The following AHNAK2 variants were observed in gnomAD, a reference collection of about 807,000 sequenced individuals.
AHNAK2 encodes AHNAK nucleoprotein 2.
A neutral mutation model predicts 30.7 loss-of-function variants in AHNAK2; 18 were observed. The ratio of observed to expected loss-of-function variants is 0.59; its 90% CI spans 0.41 to 0.87. The LOEUF is 0.87. Among genes scored for constraint, AHNAK2 ranks in the 40% least tolerant of loss-of-function variants. The pLI, the probability that AHNAK2 is intolerant of heterozygous loss-of-function variation, is 0.00. For synonymous variants in AHNAK2, 3,590 were observed against 3,073.8 expected (o/e 1.17, Z -5.56); for missense variants, 8,604 against 7,373.0 (o/e 1.17, Z -6.11).
At position 104,950,775 on chromosome 14, in the gene AHNAK2, A is replaced by C. The variant is rs1297675433; in HGVS notation, c.4676T>G (p.Val1559Gly). ...DLEVQAGQVD[V>G]KLPEGPVSEG... is the part of the protein sequence containing the mutation. ...GGACACAGGGCCCTCTGGGAGTTTC[A>C]CGTCCACTTGGCCAGCCTGGACCTC... is the stretch of plus-strand genomic sequence containing the variant. The change falls in exon 7 of 7, where the codon GTG becomes GGG. Residue 1559 changes from valine to glycine, a missense_variant. By Grantham distance (109) the Val-to-Gly change is moderately radical. Coordinates refer to ENST00000333244, the MANE Select transcript of AHNAK2 (RefSeq NM_138420.4). 3 of 1,586,518 alleles carry C rather than the reference A, an allele frequency of 1.9e-6. No individual in the cohort carries two copies. Among genetic ancestry groups the C allele is most frequent in the African/African-American group, 2.7e-5 (2 of 73,506 alleles).
At position 104,948,596 on chromosome 14, in the gene AHNAK2, C is replaced by T. The variant is rs1034358051; in HGVS notation, c.6855G>A (p.Glu2285=). 3.7e-6 allele frequency: 6 copies of T among 1,612,748 alleles called. No homozygotes were observed. Among genetic ancestry groups the T allele is most frequent in the African/African-American group, 1.3e-5 (1 of 74,086 alleles). Residue 2285 remains glutamate, a synonymous_variant, in exon 7 of 7, where the codon GAG becomes GAA. Coordinates refer to ENST00000333244, the MANE Select transcript of AHNAK2 (RefSeq NM_138420.4). ...TGGCTCCTGGGGCCTTGACGTCCACCTCCACGCTGGGCAGAGACACCTCCA... is the reference window on the plus strand; with the variant it reads ...TGGCTCCTGGGGCCTTGACGTCCACTTCCACGCTGGGCAGAGACACCTCCA... ...PDVEVSLPSV[E]VDVKAPGAKL...
At position 104,938,309 on chromosome 14, in the gene AHNAK2, G is replaced by A; in HGVS notation, c.17142C>T (p.Ser5714=). The change falls in exon 7 of 7, where the codon AGC becomes AGT. Residue 5714 remains serine, a synonymous_variant. Transcript: ENST00000333244. ...CTTCCAGCTCTGCCCCATCTTCGGT[G>A]CTTTTGCTTTTCTTGGTAGGAGATG... ...FSSSPTKKSK[S]TEDGAELEEQ... 1 of 1,613,940 alleles carries A rather than the reference G, an allele frequency of 6.2e-7. No individual in the cohort carries two copies. The highest frequency in any genetic ancestry group is 8.5e-7 in the Non-Finnish European group (1 of 1,179,892).
chr14:104,973,028 CGGG>C (rs1899511033), intron 1 of AHNAK2, among the ~76,000 whole-genome samples: 2 of 152,212 alleles, frequency 1.3e-5, no homozygotes, highest in African/African-American at 4.8e-5. Context: ...CACCAGCAGG[CGGG>C]TGCTGGGCAG....
Position 104,939,584 on chromosome 14 carries a change from C to G in AHNAK2, c.15867G>C (p.Gly5289=). 6.2e-7 allele frequency: 1 copy of G among 1,613,806 alleles called. No homozygotes were observed. Among genetic ancestry groups the G allele is most frequent in the Non-Finnish European group, 8.5e-7 (1 of 1,179,850 alleles). ...KLHLSTAGMT[G]DELSTSEVRI... ...TGACCTCAGAAGTGGAAAGCTCATC[C>G]CCAGTCATCCCAGCAGTGGAGAGGT... The change falls in exon 7 of 7, where the codon GGG becomes GGC. Residue 5289 remains glycine (G), a synonymous_variant. Transcript: ENST00000333244.
At position 104,940,136 on chromosome 14, in the gene AHNAK2, T is replaced by G. The variant is rs780172058; in HGVS notation, c.15315A>C (p.Arg5105Ser). The G allele has an allele frequency of 1.9e-6, 3 of 1,613,382 alleles. No individual in the cohort carries two copies. The highest frequency in any genetic ancestry group is 2.5e-6 in the Non-Finnish European group (3 of 1,179,894). Reference protein sequence around the residue: ...PSLGFAKPDLRSSKAKVEVSQ... With the variant: ...PSLGFAKPDLSSSKAKVEVSQ... ...TCACCTCCACCTTGGCCTTGGAGGA[T>G]CTGAGATCAGGTTTGGCAAAGCCCA... is the stretch of plus-strand genomic sequence containing the variant. The change falls in exon 7 of 7, where the codon AGA becomes AGC. Residue 5105 changes from arginine to serine, a missense_variant. By Grantham distance (110) the Arg-to-Ser change is moderately radical. Coordinates refer to ENST00000333244, the MANE Select transcript of AHNAK2 (RefSeq NM_138420.4). This position sits in a 1 kb window ranked among gnomAD's most constrained non-coding sequence, Gnocchi z 4.4.
intron 1 of AHNAK2, chr14:104,970,622 C>T: frequency 1.4e-6 from 1 of 689,748 alleles, no homozygotes; most frequent in Non-Finnish European, 1.8e-6. Context: ...CCACATCCCA[C>T]CAGAGGGAGT....
rs1897919464 is a variant in AHNAK2 at position 104,939,679 on chromosome 14, T to C, written c.15772A>G (p.Thr5258Ala). The C allele has an allele frequency of 1.2e-5, 20 of 1,613,908 alleles. No individual in the cohort carries two copies. Among genetic ancestry groups the C allele is most frequent in the Non-Finnish European group, 1.5e-5 (18 of 1,179,892 alleles). The change falls in exon 7 of 7, where the codon ACA becomes GCA. Residue 5258 changes from threonine (T) to alanine (A), a missense_variant. Physicochemically the swap from Thr to Ala is moderately conservative, Grantham distance 58 (BLOSUM62 0). Coordinates refer to ENST00000333244, the MANE Select transcript of AHNAK2 (RefSeq NM_138420.4). ...LQLPEADAEV[T>A]ASESKSSTDI... ...GTGGATGATTTGCTCTCAGAAGCTG[T>C]CACTTCTGCATCTGCCTCTGGGAGC...
chr14:104,940,155 A>G lies in AHNAK2; in HGVS notation c.15296T>C (p.Phe5099Ser). 1 of 1,613,500 alleles carries G rather than the reference A, an allele frequency of 6.2e-7. No homozygotes were observed. Among genetic ancestry groups the G allele is most frequent in the Non-Finnish European group, 8.5e-7 (1 of 1,179,882 alleles). ...GGAGGATCTGAGATCAGGTTTGGCAAAGCCCAAACTGGGAATGTGGACCTG... is the reference window on the plus strand; with the variant it reads ...GGAGGATCTGAGATCAGGTTTGGCAGAGCCCAAACTGGGAATGTGGACCTG... The part of the protein sequence containing the change: ...RPQVHIPSLG[F>S]AKPDLRSSKA... The change falls in exon 7 of 7, where the codon TTT becomes TCT. Residue 5099 changes from phenylalanine to serine, a missense_variant. Phe to Ser is a radical substitution (Grantham distance 155). Coordinates refer to ENST00000333244, the MANE Select transcript of AHNAK2 (RefSeq NM_138420.4). This position sits in a 1 kb window ranked among gnomAD's most constrained non-coding sequence, Gnocchi z 4.4.
chr14:104,947,995 G>C lies in AHNAK2; in HGVS notation c.7456C>G (p.Pro2486Ala). ...CCGAATGACGGCATCTTGAACTTGGGAATTTTGAACCTGCTGTCTTTGGTA... is the reference window on the plus strand; with the variant it reads ...CCGAATGACGGCATCTTGAACTTGGCAATTTTGAACCTGCTGTCTTTGGTA... ...VTTKDSRFKI[P>A]KFKMPSFGVS... Residue 2486 changes from proline (P) to alanine (A), a missense_variant, in exon 7 of 7, where the codon CCC (proline) becomes GCC (alanine). Coordinates refer to ENST00000333244, the MANE Select transcript of AHNAK2 (RefSeq NM_138420.4). The C allele has an allele frequency of 6.2e-7, 1 of 1,612,522 alleles. No individual in the cohort carries two copies. The highest frequency in any genetic ancestry group is 8.5e-7 in the Non-Finnish European group (1 of 1,179,558).
Position 104,957,515 on chromosome 14 carries a change from G to A in AHNAK2, c.115-7C>T. On this transcript the variant is annotated splice_region_variant and splice_polypyrimidine_tract_variant and intron_variant, in intron 2 of 6. Transcript: ENST00000333244. ...CCGCAGGCCCTTCAGTCACCTGACG[G>A]GAGAGAATCCAGTTATTTTTGCCAC... 1 of 1,595,646 alleles carries A rather than the reference G, an allele frequency of 6.3e-7. No individual in the cohort carries two copies. Among genetic ancestry groups the A allele is most frequent in the Non-Finnish European group, 8.5e-7 (1 of 1,170,426 alleles).
chr14:104,947,094 G>T lies in AHNAK2; in HGVS notation c.8357C>A (p.Pro2786Gln). Residue 2786 changes from proline to glutamine, a missense_variant, in exon 7 of 7, where the codon CCG (proline) becomes CAG (glutamine). Pro to Gln is a moderately conservative substitution (Grantham distance 76). Coordinates refer to ENST00000333244, the MANE Select transcript of AHNAK2 (RefSeq NM_138420.4). The part of the protein sequence containing the change: ...LSSMEVDVQA[P>Q]RAKLDGARLE... ...CCGCGCACCATCCAGCTTTGCTCTC[G>T]GGGCCTGGACGTCCACCTCCATGCT... The T allele has an allele frequency of 3.1e-6, 5 of 1,612,564 alleles. No homozygotes were observed. Among genetic ancestry groups the T allele is most frequent in the Non-Finnish European group, 4.2e-6 (5 of 1,179,590 alleles).
rs1222169160 is a variant in AHNAK2 at position 104,941,595 on chromosome 14, T to G, written c.13856A>C (p.Glu4619Ala). The G allele has an allele frequency of 6.2e-7, 1 of 1,613,368 alleles. No individual in the cohort carries two copies. The highest frequency in any genetic ancestry group is 1.3e-5 in the African/African-American group (1 of 75,062). The change falls in exon 7 of 7, where the codon GAG (glutamate) becomes GCG (alanine). Residue 4619 changes from glutamate to alanine, a missense_variant. Physicochemically the swap from Glu to Ala is moderately radical, Grantham distance 107 (BLOSUM62 -1). Coordinates refer to ENST00000333244, the MANE Select transcript of AHNAK2 (RefSeq NM_138420.4). The part of the protein sequence containing the change: ...RLEGDLSLAH[E>A]DVAGKDSKFQ... ...CTTACTGTCTTTCCCAGCTACATCC[T>G]CGTGGGCCAGGGACAGGTCCCCCTC...
chr14:104,942,166 T>C lies in AHNAK2; in HGVS notation c.13285A>G (p.Met4429Val), dbSNP rs541517645. ...CCTGGGGCTTGGATGTCCACCTCCA[T>C]GCTGGGCAGAGACACGTCCAGGTTG... ...SPNLDVSLPS[M>V]EVDIQAPGAK... The change falls in exon 7 of 7, where the codon ATG (methionine) becomes GTG (valine). Residue 4429 changes from methionine (M) to valine (V), a missense_variant. Coordinates refer to ENST00000333244, the MANE Select transcript of AHNAK2 (RefSeq NM_138420.4). 1 of 1,612,198 alleles carries C rather than the reference T, an allele frequency of 6.2e-7. No homozygotes were observed. Among genetic ancestry groups the C allele is most frequent in the Admixed American group, 1.7e-5 (1 of 59,874 alleles).
chr14:104,970,190 T>C (rs372140158), intron 1 of AHNAK2, among the ~76,000 whole-genome samples: 22 of 152,268 alleles, frequency 1.4e-4, no homozygotes, highest in African/African-American at 5.1e-4. Flanking sequence ...ACACCTTGTA[T>C]GGCCTGGGCT....
rs200879546 is a variant in AHNAK2, at chr14:104,951,833, G to C, written c.3618C>G (p.Leu1206=). The C allele has an allele frequency of 8.3e-3, 12,240 of 1,472,848 alleles. 118 individuals are homozygous for C. Among genetic ancestry groups the C allele is most frequent in the African/African-American group, 0.062 (3,404 of 55,184 alleles). 91.2% of individuals were successfully genotyped at this position (1,472,848 alleles called of 1,614,324 possible). Residue 1206 remains leucine (L), a synonymous_variant, in exon 7 of 7, where the codon CTC becomes CTG. Coordinates refer to ENST00000333244, the MANE Select transcript of AHNAK2 (RefSeq NM_138420.4). ...GCTGAATGCTGAGGTCAGTGGTCTT[G>C]AGGTCCCCCTGCATGGAGGGGAGAC... ...DVSLPSMQGD[L]KTTDLSIQPP...
At chr14:104,968,821 T>A (rs1280789825) in intron 1 of AHNAK2, among the ~76,000 whole-genome samples, 1 of 152,200 alleles carries the variant, frequency 6.6e-6, no homozygotes, top group African/African-American at 2.4e-5. Flanking sequence ...GCTCAGGTGC[T>A]AGGGCGTGTG....
Position 104,945,581 on chromosome 14 carries a change from C to T in AHNAK2, c.9870G>A (p.Leu3290=). 6.2e-7 allele frequency: 1 copy of T among 1,608,952 alleles called. No individual in the cohort carries two copies. The highest frequency in any genetic ancestry group is 1.1e-5 in the South Asian group (1 of 90,704). The part of the protein sequence containing the change: ...APGAKLDGAR[L]EGDLSLADKD... ...TGTCGGCCAGGGACAGGTCCCCCTC[C>T]AGCCGTGCACCATCCAACTTGGCTC... Residue 3290 remains leucine, a synonymous_variant, in exon 7 of 7, where the codon CTG becomes CTA. Coordinates refer to ENST00000333244, the MANE Select transcript of AHNAK2 (RefSeq NM_138420.4).
chr14:104,955,169 C>T, intron 5 of AHNAK2, 28 bp from the exon 6 acceptor site: 1 of 1,583,272 alleles, frequency 6.3e-7, no homozygotes, highest in Non-Finnish European at 8.6e-7. Context: ...AGCCCCAGGG[C>T]CGGGTGTGTG....
chr14:104,971,263 GCCACCACA>G (rs1899464608), intron 1 of AHNAK2, among the ~76,000 whole-genome samples: 1 of 151,780 alleles, frequency 6.6e-6, no homozygotes, highest in Non-Finnish European at 1.5e-5. Context: ...TCCAGGTGAC[GCCACCACA>G]CCTGGCTAAT....
Sources: gnomAD v4.1 joint callset for allele counts (sites outside exome capture counted in the v4.1 genomes callset) on GRCh38, gnomAD v4.1.1 for gene constraint, Gnocchi (gnomAD v3.1) non-coding constraint, MANE v1.5 for transcripts, NCBI Gene and HGNC (gene_info 2026-07-23, HGNC 2026-07-21) for gene names.